ZWILCH: variants seen among roughly 807,000 people sequenced by gnomAD.
ZWILCH encodes protein zwilch homolog.
A neutral mutation model predicts 79.9 loss-of-function variants in ZWILCH; 74 were observed. The observed-to-expected ratio is 0.93, with a 90% CI of 0.77 to 1.12. ZWILCH has a LOEUF of 1.12. Among genes scored for constraint, ZWILCH ranks in the 50% most tolerant of loss-of-function variants. ZWILCH has a pLI of 0.00. For missense variants in ZWILCH, 694 were observed against 687.5 expected (o/e 1.01, Z -0.11); for synonymous variants, 241 against 228.2 (o/e 1.06, Z -0.51).
intron 8 of ZWILCH, among the ~76,000 whole-genome samples, chr15:66,526,376 G>A (rs1422109896): frequency 1.3e-5 from 2 of 152,004 alleles, no homozygotes; most frequent in Non-Finnish European, 2.9e-5. Context: ...ATTTCATGCC[G>A]TTTTCCTGCC....
intron 2 of ZWILCH, among the ~76,000 whole-genome samples, chr15:66,513,657 C>T (rs757631511): frequency 5.3e-5 from 8 of 151,786 alleles, no homozygotes; most frequent in African/African-American, 1.7e-4. Context: ...CTGCAAGCCC[C>T]GCCTCCCGGG....
chr15:66,544,724 T>TTTTTGTGTG (rs145952622), intron 17 of ZWILCH, among the ~76,000 whole-genome samples: 48 of 128,544 alleles, frequency 3.7e-4, no homozygotes, highest in South Asian at 8.1e-4. Flanking sequence ...TTTTTGGTTT[T>TTTTTGTGTG]TGTGTGTGTG....
intron 15 of ZWILCH, among the ~76,000 whole-genome samples, chr15:66,536,482 T>C (rs1341660641): frequency 6.6e-6 from 1 of 152,234 alleles, no homozygotes; most frequent in African/African-American, 2.4e-5. Context: ...ATTGCTGTAA[T>C]TGTAGAGACT....
intron 17 of ZWILCH, among the ~76,000 whole-genome samples, chr15:66,542,422 G>GA (rs1019140883): frequency 1.3e-5 from 2 of 152,050 alleles, no homozygotes; most frequent in Non-Finnish European, 2.9e-5. Context: ...CGTCTCTACT[G>GA]AAAATACAAA....
intron 2 of ZWILCH, among the ~76,000 whole-genome samples, chr15:66,509,728 AAAAT>A (rs1427199957): frequency 2.9e-5 from 4 of 136,562 alleles, no homozygotes; most frequent in South Asian, 2.2e-4. Flanking sequence ...TTAGCAAACT[AAAAT>A]AAAGTATACA....
At chr15:66,540,596 A>G (rs956296017) in intron 17 of ZWILCH, among the ~76,000 whole-genome samples, 5 of 150,866 alleles carry the variant, frequency 3.3e-5, no homozygotes, top group African/African-American at 1.2e-4. Flanking sequence ...ACTGGAATGG[A>G]TTATTATTAT....
chr15:66,526,179 A>C (rs1894668410), intron 8 of ZWILCH, among the ~76,000 whole-genome samples: 1 of 152,180 alleles, frequency 6.6e-6, no homozygotes, highest in African/African-American at 2.4e-5. Context: ...CTGATAGAGA[A>C]ATTCTTAACT....
At position 66,517,417 on chromosome 15, in the gene ZWILCH, C is replaced by CGTGTGTGTGTGTGTGT. The variant is rs141565295; in HGVS notation, c.321-1448_321-1447insGTGTGTGTGTGTGTGT. Reference sequence around the variant, plus strand: ...CCTATAGATTTTGTGTTTGTGTGTGCGTGTGTGTGTGTGTATATATATATA... The same window carrying CGTGTGTGTGTGTGTGT: ...CCTATAGATTTTGTGTTTGTGTGTGCGTGTGTGTGTGTGTGTGTGTGTGTGTGTGTATATATATATA... On this transcript the variant is annotated intron_variant, in intron 4 of 18. Coordinates refer to ENST00000307897, the MANE Select transcript of ZWILCH (RefSeq NM_017975.5). Among the ~76,000 whole-genome samples, 130 of 80,708 alleles carry CGTGTGTGTGTGTGTGT rather than the reference C, an allele frequency of 1.6e-3. 3 individuals carry two copies. Among genetic ancestry groups the CGTGTGTGTGTGTGTGT allele is most frequent in the East Asian group, 5.2e-3 (13 of 2,504 alleles). The allele number at this position is 80,708 out of a possible 152,430, so 52.9% of individuals were successfully genotyped here. A position where few individuals can be genotyped will look rare whatever the true frequency, so the allele number is the denominator to read the frequency against.
At position 66,521,130 on chromosome 15, in the gene ZWILCH, G is replaced by T; in HGVS notation, c.672G>T (p.Ala224=). The T allele has an allele frequency of 1.2e-6, 2 of 1,614,068 alleles. No homozygotes were observed. The highest frequency in any genetic ancestry group is 1.3e-5 in the African/African-American group (1 of 75,044). Residue 224 remains alanine (A), a synonymous_variant, in exon 7 of 19, where the codon GCG becomes GCT. Coordinates refer to ENST00000307897, the MANE Select transcript of ZWILCH (RefSeq NM_017975.5). ...LDDTITASQT[A]IALDISWSPV... The stretch of plus-strand genomic sequence containing the variant: ...ATACAATCACAGCATCACAAACTGC[G>T]ATCGCTTTGGATATTTCCTGGAGTC...
Position 66,521,068 on chromosome 15 carries a change from G to A in ZWILCH, c.610G>A (p.Ala204Thr). The A allele has an allele frequency of 6.2e-7, 1 of 1,614,122 alleles. No homozygotes were observed. The highest frequency in any genetic ancestry group is 8.5e-7 in the Non-Finnish European group (1 of 1,180,016). ...HLSTVTSKGF[A>T]QYELFKSSAL... is the part of the protein sequence containing the mutation. Reference sequence around the variant, plus strand: ...TTTTCAGGTAACATCCAAAGGCTTTGCCCAGTATGAGCTCTTTAAGTCCTC... The same window carrying A: ...TTTTCAGGTAACATCCAAAGGCTTTACCCAGTATGAGCTCTTTAAGTCCTC... The change falls in exon 7 of 19, where the codon GCC becomes ACC. Residue 204 changes from alanine (A) to threonine (T), a missense_variant. By Grantham distance (58) the Ala-to-Thr change is moderately conservative. Transcript: ENST00000307897.
intron 4 of ZWILCH, among the ~76,000 whole-genome samples, chr15:66,516,131 A>T (rs1894245160): frequency 6.6e-6 from 1 of 152,186 alleles, no homozygotes; most frequent in Non-Finnish European, 1.5e-5. Context: ...GGTTTGTCAC[A>T]GTGACTGAGA....
chr15:66,528,101 T>C (rs1894739518), intron 10 of ZWILCH, among the ~76,000 whole-genome samples, 189 bp downstream of exon 10: 1 of 152,154 alleles, frequency 6.6e-6, no homozygotes, highest in South Asian at 2.1e-4. Context: ...AATATTTTTA[T>C]TTAATTATTA....
intron 2 of ZWILCH, among the ~76,000 whole-genome samples, chr15:66,512,519 C>T (rs886445068): frequency 3.3e-5 from 5 of 151,872 alleles, no homozygotes; most frequent in Admixed American, 6.6e-5. Flanking sequence ...CCCGATTAGC[C>T]GGGATTACAG....
rs138264279 is a variant in ZWILCH, at chr15:66,539,015, G to C, written c.1575-1083G>C. 2.1e-3 allele frequency among the ~76,000 whole-genome samples: 317 copies of C among 152,238 alleles called. 1 individual carries two copies. Among genetic ancestry groups the C allele is most frequent in the African/African-American group, 7.2e-3 (299 of 41,544 alleles). On this transcript the variant is annotated intron_variant, in intron 16 of 18. Coordinates refer to ENST00000307897, the MANE Select transcript of ZWILCH (RefSeq NM_017975.5). Reference sequence around the variant, plus strand: ...GACCCATCTTTCTAAATGCCTATTAGCTGTGAATCCCCAGCTTATTGAAGT... The same window carrying C: ...GACCCATCTTTCTAAATGCCTATTACCTGTGAATCCCCAGCTTATTGAAGT...
Position 66,518,854 on chromosome 15 carries a change from A to T in ZWILCH, c.321-25A>T, listed in dbSNP as rs1029230238. On this transcript the variant is annotated intron_variant, in intron 4 of 18. Transcript: ENST00000307897. ...CTTGAATTGGAAATCTCTATCTATA[A>T]TTTGTCCTTACTCTTGTTTTAAAGG... The T allele has an allele frequency of 1.9e-5, 30 of 1,597,046 alleles. No individual in the cohort carries two copies. In the Admixed American group the frequency reaches 4.7e-4, roughly 25 times the overall value.
chr15:66,529,911 TGA>T (rs1454378702), intron 12 of ZWILCH, among the ~76,000 whole-genome samples: 4 of 152,226 alleles, frequency 2.6e-5, no homozygotes, highest in Non-Finnish European at 5.9e-5. Context: ...ATACTACTGA[TGA>T]GAATGCAAGT....
chr15:66,517,725 CCTTTTT>C (rs1894336832), intron 4 of ZWILCH, among the ~76,000 whole-genome samples: 1 of 100,116 alleles, frequency 1.0e-5, no homozygotes, highest in East Asian at 2.6e-4. Flanking sequence ...TCTTTTCTTT[CCTTTTT>C]TTTTTTTTTT....
At chr15:66,537,062 TTAG>T in intron 15 of ZWILCH, 103 bp from the exon 16 acceptor site, 1 of 674,440 alleles carries the variant, frequency 1.5e-6, no homozygotes, top group South Asian at 2.0e-5. Context: ...GATGTTTTAG[TTAG>T]TAGTACTCAA....
chr15:66,518,040 C>G (rs1421770491), intron 4 of ZWILCH, among the ~76,000 whole-genome samples: 1 of 151,832 alleles, frequency 6.6e-6, no homozygotes, highest in Non-Finnish European at 1.5e-5. Context: ...CTGGCTCCTA[C>G]TTATTTCTTT....
Sources: allele counts gnomAD v4.1 joint callset (sites outside exome capture counted in the v4.1 genomes callset), GRCh38; gene constraint gnomAD v4.1.1; transcripts MANE v1.5; gene names NCBI Gene and HGNC (gene_info 2026-07-23, HGNC 2026-07-21).